LRFN2: variants seen among roughly 807,000 people sequenced by gnomAD.
LRFN2 encodes leucine rich repeat and fibronectin type III domain containing 2.
In LRFN2, 18 loss-of-function variants were observed where a neutral mutation model predicts 37.3. That is an observed-to-expected ratio of 0.48 (90% CI 0.33 to 0.72). The LOEUF is 0.72. Among genes scored for constraint, LRFN2 ranks in the 30% least tolerant of loss-of-function variants. LRFN2 has a pLI of 0.02. For missense variants in LRFN2, 1,006 were observed against 1,060.7 expected (o/e 0.95, Z 0.72); for synonymous variants, 556 against 466.6 (o/e 1.19, Z -2.47).
At chr6:40,446,921 GGC>G (rs1763983180) in intron 1 of LRFN2, among the ~76,000 whole-genome samples, 2 of 149,068 alleles carry the variant, frequency 1.3e-5, no homozygotes, top group Non-Finnish European at 3.0e-5. Flanking sequence ...CTCAGACTGG[GGC>G]TTCCTGAGGA....
At position 40,483,959 on chromosome 6, in the gene LRFN2, C is replaced by T. The variant is rs772067847; in HGVS notation, c.-18-50828G>A. The stretch of plus-strand genomic sequence containing the variant: ...GCATTCCTGGCTCAGAGAGAATAGC[C>T]GCCTCTGTCCCCTCTCCCTGCCAGG... On this transcript the variant is annotated intron_variant, in intron 1 of 2. Transcript: ENST00000338305. Among the ~76,000 whole-genome samples, 71 of 152,290 alleles carry T rather than the reference C, an allele frequency of 4.7e-4. 2 individuals are homozygous for T. Among genetic ancestry groups the T allele is most frequent in the Admixed American group, 3.1e-3 (47 of 15,298 alleles).
At chr6:40,410,310 A>G (rs1264053433) in intron 2 of LRFN2, among the ~76,000 whole-genome samples, 2 of 152,278 alleles carry the variant, frequency 1.3e-5, no homozygotes, top group Non-Finnish European at 1.5e-5. Flanking sequence ...TCACAAGAAC[A>G]TCACTGGAAG....
chr6:40,549,613 T>A (rs1284741088), intron 1 of LRFN2, among the ~76,000 whole-genome samples: 1 of 152,216 alleles, frequency 6.6e-6, no homozygotes, highest in Admixed American at 6.5e-5. Context: ...TATGATAATC[T>A]GGAGTCTGGT....
intron 1 of LRFN2, among the ~76,000 whole-genome samples, chr6:40,452,233 C>G (rs142700705): frequency 3.2e-4 from 49 of 152,264 alleles, no homozygotes; most frequent in Non-Finnish European, 6.0e-4. Flanking sequence ...CAGAGTTTCT[C>G]TAGGTCACCC....
intron 1 of LRFN2, among the ~76,000 whole-genome samples, chr6:40,530,304 C>T (rs1202887671): frequency 6.6e-6 from 1 of 152,160 alleles, no homozygotes; most frequent in African/African-American, 2.4e-5. Flanking sequence ...TTGCACAGGC[C>T]TGGGATAGGA....
At chr6:40,433,616 G>A (rs377363796) in intron 1 of LRFN2, among the ~76,000 whole-genome samples, 28 of 152,096 alleles carry the variant, frequency 1.8e-4, no homozygotes, top group African/African-American at 6.5e-4. Context: ...TGTTTTTTGA[G>A]GCATAATTTT....
At chr6:40,395,640 C>T (rs1430099495) in intron 2 of LRFN2, among the ~76,000 whole-genome samples, 1 of 152,174 alleles carries the variant, frequency 6.6e-6, no homozygotes, top group Non-Finnish European at 1.5e-5. Flanking sequence ...GAGCAAACAC[C>T]AGCTGGTAAC....
rs907722552 is a variant in LRFN2 at position 40,448,096 on chromosome 6, G to A, written c.-18-14965C>T. On this transcript the variant is annotated intron_variant, in intron 1 of 2. Transcript: ENST00000338305. ...TTAGGGCAATAGCCTGTGAGAGACC[G>A]GGAGCGTGGGTCCTCCTGAGCAGTG... Among the ~76,000 whole-genome samples, 11 of 152,290 alleles carry A rather than the reference G, an allele frequency of 7.2e-5. No individual in the cohort carries two copies. The East Asian group carries it at 7.7e-4, about 11-fold the overall frequency.
chr6:40,463,642 G>A (rs1250583599), intron 1 of LRFN2, among the ~76,000 whole-genome samples: 1 of 146,942 alleles, frequency 6.8e-6, no homozygotes, highest in African/African-American at 2.5e-5. Flanking sequence ...GCATTTCCCT[G>A]CATACATCAT....
intron 2 of LRFN2, among the ~76,000 whole-genome samples, chr6:40,393,446 AAGAAG>A (rs918355337): frequency 2.0e-5 from 3 of 151,952 alleles, no homozygotes; most frequent in Admixed American, 2.0e-4. Context: ...AGGTAGTTGA[AAGAAG>A]AGAAAAGGGG....
chr6:40,556,311 G>A (rs1003008357), intron 1 of LRFN2, among the ~76,000 whole-genome samples: 1 of 152,298 alleles, frequency 6.6e-6, no homozygotes, highest in African/African-American at 2.4e-5. Context: ...CTTTTCTGGG[G>A]CTCTGACACC....
intron 1 of LRFN2, among the ~76,000 whole-genome samples, chr6:40,586,363 CT>C (rs1398775474): frequency 5.3e-5 from 8 of 152,180 alleles, no homozygotes; most frequent in African/African-American, 1.7e-4. Flanking sequence ...CACAATCCCC[CT>C]GATCTGCTTT....
chr6:40,468,063 C>CA (rs151274815), intron 1 of LRFN2, among the ~76,000 whole-genome samples: 4,318 of 152,184 alleles, frequency 0.028, 112 homozygotes, highest in East Asian at 0.097. Context: ...TCACCCAGGA[C>CA]GGGGGTTCCC....
chr6:40,542,181 A>C (rs551827018), intron 1 of LRFN2, among the ~76,000 whole-genome samples: 1 of 152,108 alleles, frequency 6.6e-6, no homozygotes, highest in Non-Finnish European at 1.5e-5. Context: ...ACTGGCATCA[A>C]CTCTGACATG....
intron 1 of LRFN2, among the ~76,000 whole-genome samples, chr6:40,542,819 G>C (rs1368948812): frequency 2.0e-5 from 3 of 152,292 alleles, no homozygotes; most frequent in East Asian, 3.9e-4. Context: ...TTTCCCAGCT[G>C]CTCTCTCCAA....
chr6:40,401,109 C>A (rs1762730072), intron 2 of LRFN2, among the ~76,000 whole-genome samples: 1 of 151,860 alleles, frequency 6.6e-6, no homozygotes, highest in Admixed American at 6.6e-5. Flanking sequence ...GTTTACCCCC[C>A]AGAAAAGGCA....
At chr6:40,489,414 A>G (rs1765036182) in intron 1 of LRFN2, among the ~76,000 whole-genome samples, 1 of 152,204 alleles carries the variant, frequency 6.6e-6, no homozygotes. Context: ...GCGGTTAAGA[A>G]GAGGCAGAGG....
chr6:40,559,992 C>G (rs1370858100), intron 1 of LRFN2, among the ~76,000 whole-genome samples: 1 of 152,184 alleles, frequency 6.6e-6, no homozygotes, highest in African/African-American at 2.4e-5. Flanking sequence ...CCACACCTGC[C>G]TCACCCCCAG....
chr6:40,506,007 G>C (rs1421762429), intron 1 of LRFN2, among the ~76,000 whole-genome samples: 2 of 152,214 alleles, frequency 1.3e-5, no homozygotes, highest in Non-Finnish European at 2.9e-5. Context: ...CTGCAGGCTG[G>C]GCCTGAGCTC....
Sources: gnomAD v4.1 joint callset for allele counts (sites outside exome capture counted in the v4.1 genomes callset) on GRCh38, gnomAD v4.1.1 for gene constraint, MANE v1.5 for transcripts, NCBI Gene and HGNC (gene_info 2026-07-23, HGNC 2026-07-21) for gene names.